Variants in CMTM8 observed in about 807,000 individuals in gnomAD.
The protein encoded by CMTM8 is CKLF-like MARVEL transmembrane domain-containing protein 8.
CMTM8 carries 12 observed loss-of-function variants against 18.6 expected under a neutral mutation model. The ratio of observed to expected loss-of-function variants is 0.65; its 90% CI spans 0.41 to 1.05. The LOEUF (loss-of-function observed/expected upper bound fraction) is 1.05. Among genes scored for constraint, CMTM8 ranks in the 50% least tolerant of loss-of-function variants. CMTM8 has a pLI of 0.00. For missense variants in CMTM8, 217 were observed against 227.2 expected, an observed-to-expected ratio of 0.95 and a Z score of 0.29; for synonymous variants, 87 against 90.6, an observed-to-expected ratio of 0.96 and a Z score of 0.23.
chr3:32,259,484 C>A, intron 1 of CMTM8: 1 of 779,808 alleles, frequency 1.3e-6, no homozygotes, highest in Non-Finnish European at 2.3e-6. Context: ...GAATGACATT[C>A]ATGGGCTCTT....
At position 32,351,832 on chromosome 3, in the gene CMTM8, T is replaced by C. The variant is rs1349922238; in HGVS notation, c.148-5541T>C. Among the ~76,000 whole-genome samples, 5 of 152,062 alleles carry C rather than the reference T, an allele frequency of 3.3e-5. No homozygotes were observed. The East Asian group carries it at 5.8e-4, about 18-fold the overall frequency. On this transcript the variant is annotated intron_variant, in intron 1 of 3. Transcript: ENST00000307526. ...ATATAGTTGGTTACCATCTCTCTTA[T>C]GTAAAGATCTCTACAAATCAGAAAG...
At chr3:32,278,156 G>A (rs972038463) in intron 1 of CMTM8, among the ~76,000 whole-genome samples, 2 of 152,180 alleles carry the variant, frequency 1.3e-5, no homozygotes, top group African/African-American at 4.8e-5. Context: ...AGAAGTAGAG[G>A]ATCCCTTTCT....
At chr3:32,344,066 G>T (rs1696550679) in intron 1 of CMTM8, among the ~76,000 whole-genome samples, 1 of 152,226 alleles carries the variant, frequency 6.6e-6, no homozygotes, top group Admixed American at 6.5e-5. Flanking sequence ...TACACCAGAA[G>T]TAGAACAGCA....
chr3:32,331,438 C>T (rs938264174), intron 1 of CMTM8, among the ~76,000 whole-genome samples: 3 of 151,656 alleles, frequency 2.0e-5, no homozygotes, highest in African/African-American at 7.3e-5. Flanking sequence ...ATAAAATGTA[C>T]TATATGACCC....
intron 1 of CMTM8, among the ~76,000 whole-genome samples, chr3:32,245,816 T>C (rs1702007489): frequency 6.6e-6 from 1 of 152,160 alleles, no homozygotes; most frequent in Non-Finnish European, 1.5e-5. Flanking sequence ...TATTATTACT[T>C]TGAGATAGAG....
At chr3:32,333,188 A>G (rs2125584967) in intron 1 of CMTM8, among the ~76,000 whole-genome samples, 1 of 152,348 alleles carries the variant, frequency 6.6e-6, no homozygotes, top group Middle Eastern at 3.4e-3. Context: ...AACTGTATTT[A>G]TGGACACTGA....
intron 1 of CMTM8, among the ~76,000 whole-genome samples, chr3:32,319,941 C>G (rs1298306102): frequency 6.6e-6 from 1 of 152,138 alleles, no homozygotes; most frequent in East Asian, 1.9e-4. Flanking sequence ...ATTTGAGGCC[C>G]ATGAGTATTT....
At position 32,358,685 on chromosome 3, in the gene CMTM8, ACT is replaced by A. The variant is rs1235776961; in HGVS notation, c.321+1142_321+1143del. Among the ~76,000 whole-genome samples the A allele has an allele frequency of 2.6e-5, 4 of 152,314 alleles. No homozygotes were observed. Among genetic ancestry groups the A allele is most frequent in the African/African-American group, 9.6e-5 (4 of 41,576 alleles). ...TTTATTTCACAAGGCAGATTGACTG[ACT>A]CTTGACCATTTCCCCAAATCCAAAA... On this transcript the variant is annotated intron_variant, in intron 2 of 3. Transcript: ENST00000307526. This position sits in a 1 kb window ranked among gnomAD's most constrained non-coding sequence, Gnocchi z 4.1.
In CMTM8 at chr3:32,295,469, AAAAAAAAAACAAAAC is replaced by A. The variant is rs1396401263; in HGVS notation, c.147+56355_147+56369del. 3.4e-3 allele frequency among the ~76,000 whole-genome samples: 487 copies of A among 141,966 alleles called. 12 individuals are homozygous for A. The highest frequency in any genetic ancestry group is 0.012 in the African/African-American group (440 of 36,422). The allele number at this position is 141,966 out of a possible 152,430, so 93.1% of individuals were successfully genotyped here. A position where few individuals can be genotyped will look rare whatever the true frequency, so the allele number is the denominator to read the frequency against. On this transcript the variant is annotated intron_variant, in intron 1 of 3. Transcript: ENST00000307526. ...AGACTCCATCTCAAAAAAAAAAAAA[AAAAAAAAAACAAAAC>A]AAAACAGCGGAAAGAGAAAATCCCT...
intron 1 of CMTM8, among the ~76,000 whole-genome samples, chr3:32,321,166 G>A (rs1006657182): frequency 1.8e-4 from 27 of 150,880 alleles, no homozygotes; most frequent in African/African-American, 6.5e-4. Context: ...GTGCTTTCCT[G>A]GGGTGAAGCG....
chr3:32,316,868 A>G (rs144334186), intron 1 of CMTM8, among the ~76,000 whole-genome samples: 37 of 152,340 alleles, frequency 2.4e-4, no homozygotes, highest in African/African-American at 7.2e-4. Context: ...TTGAAAGTCA[A>G]TTTGCCAATA....
intron 1 of CMTM8, among the ~76,000 whole-genome samples, chr3:32,280,104 A>G (rs1294966340): frequency 6.6e-6 from 1 of 152,146 alleles, no homozygotes; most frequent in Non-Finnish European, 1.5e-5. Flanking sequence ...CGTAGTGGCC[A>G]CCAATCAGGA....
intron 2 of CMTM8, 23 bp from the exon 3 acceptor site, chr3:32,367,849 A>G (rs1324357046): frequency 1.3e-6 from 2 of 1,531,020 alleles, no homozygotes; most frequent in African/African-American, 2.8e-5. Context: ...CTCCCTAAAC[A>G]CTCTGCCCCT....
chr3:32,352,834 C>T (rs898487730), intron 1 of CMTM8, among the ~76,000 whole-genome samples: 2 of 149,530 alleles, frequency 1.3e-5, no homozygotes, highest in Non-Finnish European at 3.0e-5. Context: ...TTTCTTTATA[C>T]TGTATTTCAA....
intron 2 of CMTM8, 103 bp from the exon 3 acceptor site, chr3:32,367,769 G>T: frequency 3.0e-5 from 21 of 694,840 alleles, no homozygotes; most frequent in East Asian, 2.6e-5. Context: ...GTGTCCACTT[G>T]GGCCCCTCCC....
intron 1 of CMTM8, among the ~76,000 whole-genome samples, chr3:32,341,932 A>C (rs975142146): frequency 6.6e-6 from 1 of 151,656 alleles, no homozygotes; most frequent in African/African-American, 2.4e-5. Flanking sequence ...TGGTTTTCCT[A>C]TCTATAAAAT....
At position 32,287,833 on chromosome 3, in the gene CMTM8, A is replaced by G. The variant is rs182993531; in HGVS notation, c.147+48714A>G. On this transcript the variant is annotated intron_variant, in intron 1 of 3. Transcript: ENST00000307526. ...GGTTGTGAGTGAAGGAGATAGGAAA[A>G]TTATCTGGAGGCTGCTGGTAGGATT... is the stretch of plus-strand genomic sequence containing the variant. Among the ~76,000 whole-genome samples, 960 of 152,290 alleles carry G rather than the reference A, an allele frequency of 6.3e-3. 9 individuals carry two copies. The highest frequency in any genetic ancestry group is 6.8e-3 in the Non-Finnish European group (463 of 68,018).
At chr3:32,282,131 G>T (rs1481402312) in intron 1 of CMTM8, among the ~76,000 whole-genome samples, 1 of 152,084 alleles carries the variant, frequency 6.6e-6, no homozygotes, top group African/African-American at 2.4e-5. Context: ...TGTCTCATAG[G>T]CAACTCAGGC....
chr3:32,260,144 C>A, intron 1 of CMTM8: 1 of 1,111,808 alleles, frequency 9.0e-7, no homozygotes, highest in Non-Finnish European at 1.4e-6. Context: ...CAACTCCATG[C>A]AAACCATCCA....
Sources: allele counts gnomAD v4.1 joint callset (sites outside exome capture counted in the v4.1 genomes callset), GRCh38; gene constraint gnomAD v4.1.1; non-coding constraint Gnocchi (gnomAD v3.1); transcripts MANE v1.5; gene names NCBI Gene and HGNC (gene_info 2026-07-23, HGNC 2026-07-21).